The following MRE11 variants were observed in gnomAD, a reference collection of about 807,000 sequenced individuals.
MRE11 encodes the protein MRE11 double strand break repair nuclease.
A neutral mutation model predicts 91.7 loss-of-function variants in MRE11; 62 were observed. That is an observed-to-expected ratio of 0.68 (90% CI 0.55 to 0.84). The LOEUF is 0.84. MRE11 is among the 40% of genes least tolerant of loss of function. The pLI is 0.00. For synonymous variants in MRE11, 273 were observed against 271.4 expected, an observed-to-expected ratio of 1.01 and a Z score of -0.06; for missense variants, 796 against 852.9, an observed-to-expected ratio of 0.93 and a Z score of 0.83.
upstream of MRE11, chr11:94,498,048 A>C (rs1947441612): frequency 6.5e-7 from 1 of 1,530,446 alleles, no homozygotes; most frequent in South Asian, 1.2e-5. Context: ...TTGAGTTGAA[A>C]GATTTCTTTT....
At chr11:94,498,609 A>G (rs1346828706), upstream of MRE11, 14 of 1,264,010 alleles carry the variant, frequency 1.1e-5, no homozygotes, top group Non-Finnish European at 1.3e-5. Flanking sequence ...ATCAAAGTTG[A>G]CGTCAAACAT....
chr11:94,428,433 T>A (rs1474178313), intron 19 of MRE11, among the ~76,000 whole-genome samples: 1 of 152,166 alleles, frequency 6.6e-6, no homozygotes, highest in Non-Finnish European at 1.5e-5. Context: ...ACTATAATAA[T>A]CCTAGAAGAA....
rs2134715792 is a variant in MRE11 at position 94,416,559 on chromosome 11, A to T, written c.*3566T>A. ...TGGTAGTTAGCTTTAAAAAAACACA[A>T]AATAGGCTGGGCGTGGTGGCTCAGG... is the stretch of plus-strand genomic sequence containing the variant. On this transcript the variant is annotated 3_prime_UTR_variant, in exon 20 of 20. Coordinates refer to ENST00000323929, the MANE Select transcript of MRE11 (RefSeq NM_005591.4). 6.6e-6 allele frequency: 1 copy of T among 152,072 alleles called. No individual in the cohort carries two copies. Among genetic ancestry groups the T allele is most frequent in the Admixed American group, 6.5e-5 (1 of 15,276 alleles). The allele number at this position is 152,072 out of a possible 1,614,324, so 9.4% of individuals were successfully genotyped here. A position where few individuals can be genotyped will look rare whatever the true frequency, so the allele number is the denominator to read the frequency against.
At chr11:94,433,411 C>T (rs776630000) in intron 18 of MRE11, among the ~76,000 whole-genome samples, 2 of 152,244 alleles carry the variant, frequency 1.3e-5, no homozygotes, top group African/African-American at 2.4e-5. Context: ...CTATTCTCAT[C>T]TCAAACAACC....
the MRE11 span, chr11:94,512,312 G>C: frequency 1.2e-5 from 5 of 406,644 alleles, no homozygotes; most frequent in African/African-American, 8.2e-5. Context: ...AGAAATTAAT[G>C]GAAAGTCCTT....
At chr11:94,486,574 G>A (rs776723189) in intron 3 of MRE11, among the ~76,000 whole-genome samples, 45 of 152,272 alleles carry the variant, frequency 3.0e-4, no homozygotes, top group Non-Finnish European at 5.3e-4. Flanking sequence ...ATACAATGAT[G>A]AATAAAATAT....
In MRE11 at chr11:94,447,288, G is replaced by C. The variant is rs137852761; in HGVS notation, c.1714C>G (p.Arg572Gly). Residue 572 changes from arginine to glycine, a missense_variant, in exon 15 of 20, where the codon CGA (arginine) becomes GGA (glycine). By Grantham distance (125) the Arg-to-Gly change is moderately radical. Transcript: ENST00000323929. ...ISAATNKGRG[R>G]GRGRRGGRGQ... ...CTTCCACCTCTTCGACCTCTTCCTC[G>C]GCCTCTTCCTTTGTTGGTTGCTGCT... 2 of 1,613,682 alleles carry C rather than the reference G, an allele frequency of 1.2e-6. No homozygotes were observed. Among genetic ancestry groups the C allele is most frequent in the Middle Eastern group, 1.7e-4 (1 of 6,060 alleles).
chr11:94,508,260 AT>A, the MRE11 span, among the ~76,000 whole-genome samples: 2 of 152,162 alleles, frequency 1.3e-5, no homozygotes, highest in African/African-American at 2.4e-5. Flanking sequence ...GAATATCTTA[AT>A]TTTAACGACC....
Position 94,419,461 on chromosome 11 carries a change from A to AGAGGGAGG in MRE11, c.*663_*664insCCTCCCTC, listed in dbSNP as rs1554996390. The stretch of plus-strand genomic sequence containing the variant: ...AAAGGAAGAGTGGGGAACGGGGGGG[A>AGAGGGAGG]GAGGGAGAGAGAGAGAGAGAGAGAG... On this transcript the variant is annotated 3_prime_UTR_variant, in exon 20 of 20. Coordinates refer to ENST00000323929, the MANE Select transcript of MRE11 (RefSeq NM_005591.4). The AGAGGGAGG allele has an allele frequency of 1.4e-5, 3 of 218,556 alleles. No homozygotes were observed. Among genetic ancestry groups the AGAGGGAGG allele is most frequent in the Admixed American group, 6.2e-5 (1 of 16,096 alleles). 13.5% of individuals were successfully genotyped at this position (218,556 alleles called of 1,614,324 possible). A position where few individuals can be genotyped will look rare whatever the true frequency, so the allele number is the denominator to read the frequency against.
At chr11:94,436,252 T>A (rs1283752623) in intron 17 of MRE11, among the ~76,000 whole-genome samples, 1 of 152,178 alleles carries the variant, frequency 6.6e-6, no homozygotes, top group East Asian at 1.9e-4. Context: ...ATCTCCAACT[T>A]TAAATGAGGT....
chr11:94,466,453 A>G (rs1946564968), intron 10 of MRE11: 1 of 528,752 alleles, frequency 1.9e-6, no homozygotes. Context: ...CCTACTGTGC[A>G]ACAGACACTA....
intron 7 of MRE11, chr11:94,472,975 G>A (rs939373834): frequency 6.6e-6 from 1 of 152,094 alleles, no homozygotes; most frequent in Non-Finnish European, 1.5e-5. Context: ...AAGTGACATA[G>A]AAGTGCCATA....
intron 19 of MRE11, among the ~76,000 whole-genome samples, chr11:94,422,533 T>C (rs1457118914): frequency 2.7e-5 from 4 of 147,248 alleles, no homozygotes; most frequent in East Asian, 1.9e-4. Context: ...TATAAGTAAA[T>C]GGTAGAAGCT....
At chr11:94,439,242 A>T (rs1945708965) in intron 16 of MRE11, among the ~76,000 whole-genome samples, 1 of 152,324 alleles carries the variant, frequency 6.6e-6, no homozygotes, top group Middle Eastern at 3.4e-3. Context: ...AAGTGATGAC[A>T]AGTATAGTTA....
chr11:94,424,118 ACC>A (rs1945246182), intron 19 of MRE11, among the ~76,000 whole-genome samples: 2 of 152,128 alleles, frequency 1.3e-5, no homozygotes, highest in African/African-American at 4.8e-5. Context: ...TCTCTCCCCA[ACC>A]CCACCACAGA....
At chr11:94,444,422 G>A (rs1945871375) in intron 16 of MRE11, among the ~76,000 whole-genome samples, 1 of 152,006 alleles carries the variant, frequency 6.6e-6, no homozygotes, top group South Asian at 2.1e-4. Context: ...TTTTGTTTTA[G>A]GCTTTTAGCA....
chr11:94,425,281 T>G (rs1277512678), intron 19 of MRE11, among the ~76,000 whole-genome samples: 6 of 152,156 alleles, frequency 3.9e-5, no homozygotes, highest in African/African-American at 1.4e-4. Context: ...AATAAAATCC[T>G]TCTCAGGCAA....
At chr11:94,445,780 TATAAATA>T in intron 16 of MRE11, 23 bp downstream of exon 16, 1 of 1,512,564 alleles carries the variant, frequency 6.6e-7, no homozygotes, top group Non-Finnish European at 9.2e-7. Flanking sequence ...TGTTGGAATT[TATAAATA>T]ATCACTTGCA....
upstream of MRE11, chr11:94,496,916 A>T (rs1565246333): frequency 6.2e-7 from 1 of 1,613,842 alleles, no homozygotes; most frequent in East Asian, 2.2e-5. Flanking sequence ...AAAAGACCCA[A>T]GCAGATTGCT....
Sources: allele counts gnomAD v4.1 joint callset (sites outside exome capture counted in the v4.1 genomes callset), GRCh38; gene constraint gnomAD v4.1.1; transcripts MANE v1.5; gene names NCBI Gene and HGNC (gene_info 2026-07-23, HGNC 2026-07-21).